Variants in HOMER1 observed in about 807,000 individuals in gnomAD.
HOMER1 encodes the protein homer protein homolog 1.
A neutral mutation model predicts 48.9 loss-of-function variants in HOMER1; 3 were observed. The ratio of observed to expected loss-of-function variants is 0.06; its 90% confidence interval spans 0.03 to 0.16. The LOEUF (loss-of-function observed/expected upper bound fraction) is 0.16, where lower values mean the gene tolerates loss of function less well. Ranked by LOEUF, HOMER1 falls within the 10% of genes least tolerant of loss-of-function variation. HOMER1 has a pLI of 1.00. For missense variants in HOMER1, 247 were observed against 411.4 expected, an observed-to-expected ratio of 0.60 and a Z score of 3.46; for synonymous variants, 134 against 146.4, an observed-to-expected ratio of 0.92 and a Z score of 0.61.
At position 79,439,167 on chromosome 5, in the gene HOMER1, G is replaced by A. The variant is rs564661709; in HGVS notation, c.388-18C>T. On this transcript the variant is annotated intron_variant, in intron 4 of 8. Transcript: ENST00000334082. ...GCGGATTCCTTTAAAAAAAGGGGTG[G>A]GGGATAAAAAATAGTTACACTTTTG... 2 of 1,612,414 alleles carry A rather than the reference G, an allele frequency of 1.2e-6. No individual in the cohort carries two copies. The highest frequency in any genetic ancestry group is 1.3e-5 in the African/African-American group (1 of 74,966).
chr5:79,468,802 C>T (rs1421496210), intron 1 of HOMER1, among the ~76,000 whole-genome samples: 1 of 152,196 alleles, frequency 6.6e-6, no homozygotes, highest in Non-Finnish European at 1.5e-5. Context: ...TTATACTACA[C>T]TCTCCTAACA....
At position 79,447,163 on chromosome 5, in the gene HOMER1, A is replaced by T; in HGVS notation, c.295-18T>A. 6.9e-7 allele frequency: 1 copy of T among 1,456,816 alleles called. No individual in the cohort carries two copies. The highest frequency in any genetic ancestry group is 9.6e-7 in the Non-Finnish European group (1 of 1,038,460). 90.2% of individuals were successfully genotyped at this position (1,456,816 alleles called of 1,614,324 possible). A position where few individuals can be genotyped will look rare whatever the true frequency, so the allele number is the denominator to read the frequency against. The stretch of plus-strand genomic sequence containing the variant: ...TCTGCAAACTGAATGTATAGAGACT[A>T]CATACATTAACCAAATAAAAATAGG... On this transcript the variant is annotated intron_variant, in intron 3 of 8. Transcript: ENST00000334082.
intron 5 of HOMER1, among the ~76,000 whole-genome samples, chr5:79,403,227 A>G (rs1480366358): frequency 6.6e-6 from 1 of 152,142 alleles, no homozygotes; most frequent in Non-Finnish European, 1.5e-5. Flanking sequence ...ACCTCATCCC[A>G]TTAACTAACT....
At chr5:79,446,971 C>G in intron 4 of HOMER1, 82 bp downstream of exon 4, 1 of 893,770 alleles carries the variant, frequency 1.1e-6, no homozygotes. Context: ...TCTGTGTGTA[C>G]TTTGGAGATT....
intron 1 of HOMER1, among the ~76,000 whole-genome samples, chr5:79,502,860 A>T (rs759780824): frequency 6.6e-6 from 1 of 152,128 alleles, no homozygotes; most frequent in Non-Finnish European, 1.5e-5. Context: ...GCGCAATCTC[A>T]GCTCACTGCA....
At chr5:79,505,086 C>T (rs1208155191) in intron 1 of HOMER1, among the ~76,000 whole-genome samples, 1 of 151,994 alleles carries the variant, frequency 6.6e-6, no homozygotes, top group African/African-American at 2.4e-5. Flanking sequence ...CATGATGAAA[C>T]CCCATCTCTA....
At chr5:79,433,700 T>C (rs1455680573) in intron 5 of HOMER1, among the ~76,000 whole-genome samples, 1 of 152,250 alleles carries the variant, frequency 6.6e-6, no homozygotes, top group Non-Finnish European at 1.5e-5. Context: ...TAAAATGCTA[T>C]GTAAAATTTC....
At chr5:79,402,315 G>A (rs977609523) in intron 5 of HOMER1, among the ~76,000 whole-genome samples, 22 of 152,000 alleles carry the variant, frequency 1.4e-4, no homozygotes, top group African/African-American at 4.3e-4. Context: ...ACAGGCACAC[G>A]CCACCATGCC....
rs1422232682 is a variant in HOMER1 at position 79,396,916 on chromosome 5, G to A, written c.796-13C>T. The A allele has an allele frequency of 6.9e-7, 1 of 1,444,328 alleles. No homozygotes were observed. The highest frequency in any genetic ancestry group is 9.7e-7 in the Non-Finnish European group (1 of 1,031,026). The allele number at this position is 1,444,328 out of a possible 1,614,324, so 89.5% of individuals were successfully genotyped here. A position where few individuals can be genotyped will look rare whatever the true frequency, so the allele number is the denominator to read the frequency against. ...ACCTTTCTATTTCCTAGAAAAGACA[G>A]AGCAATGTCTTAACATTCAAACTAT... On this transcript the variant is annotated splice_polypyrimidine_tract_variant and intron_variant, in intron 7 of 8. Coordinates refer to ENST00000334082, the MANE Select transcript of HOMER1 (RefSeq NM_004272.5).
chr5:79,401,017 A>G (rs1244777470), intron 6 of HOMER1, among the ~76,000 whole-genome samples: 1 of 149,668 alleles, frequency 6.7e-6, no homozygotes, highest in Non-Finnish European at 1.5e-5. Flanking sequence ...TGAGAGCATT[A>G]AAACACTTTA....
intron 8 of HOMER1, among the ~76,000 whole-genome samples, chr5:79,379,562 G>A (rs567821869): frequency 2.1e-5 from 3 of 144,278 alleles, no homozygotes; most frequent in Non-Finnish European, 4.5e-5. Flanking sequence ...AATAACTTCA[G>A]CACCTTTTGT....
At chr5:79,466,736 T>TTTTAATA (rs1240835478) in intron 1 of HOMER1, among the ~76,000 whole-genome samples, 4 of 151,992 alleles carry the variant, frequency 2.6e-5, no homozygotes, top group Non-Finnish European at 5.9e-5. Flanking sequence ...CCAAATAGGT[T>TTTTAATA]AAACTCCTGG....
chr5:79,436,066 C>CA (rs1750573230), intron 5 of HOMER1, among the ~76,000 whole-genome samples: 1 of 150,798 alleles, frequency 6.6e-6, no homozygotes, highest in Admixed American at 6.6e-5. Context: ...GCGGAGCTTG[C>CA]AGTGAGCCGA....
intron 4 of HOMER1, among the ~76,000 whole-genome samples, chr5:79,446,305 T>A (rs1442173008): frequency 1.3e-5 from 2 of 152,090 alleles, no homozygotes; most frequent in Non-Finnish European, 2.9e-5. Flanking sequence ...CTATTTCCCC[T>A]CCCCTGCTTT....
intron 1 of HOMER1, among the ~76,000 whole-genome samples, chr5:79,460,649 CTGGGG>C (rs1272643365): frequency 6.6e-6 from 1 of 152,038 alleles, no homozygotes; most frequent in Non-Finnish European, 1.5e-5. Context: ...GGTTCCCAAA[CTGGGG>C]TGGGTTTGTT....
intron 5 of HOMER1, among the ~76,000 whole-genome samples, chr5:79,424,420 C>A (rs1013442769): frequency 2.0e-5 from 3 of 151,966 alleles, no homozygotes; most frequent in African/African-American, 7.2e-5. Context: ...ATTCTTTATA[C>A]AAGGATATGC....
chr5:79,510,640 C>G (rs983649121), intron 1 of HOMER1: 16 of 908,362 alleles, frequency 1.8e-5, no homozygotes, highest in Non-Finnish European at 2.3e-5. Context: ...GTGCACATGC[C>G]AAGGCTATCA....
At chr5:79,400,757 T>A (rs574447783) in intron 6 of HOMER1, among the ~76,000 whole-genome samples, 1 of 147,630 alleles carries the variant, frequency 6.8e-6, no homozygotes, top group African/African-American at 2.5e-5. Flanking sequence ...TTTTTTTTGT[T>A]TTTTAGAGAC....
chr5:79,430,410 T>C (rs954734564), intron 5 of HOMER1, among the ~76,000 whole-genome samples: 7 of 152,198 alleles, frequency 4.6e-5, no homozygotes, highest in African/African-American at 1.4e-4. Context: ...AGAACCCTTA[T>C]ATATCTGCTA....
Sources: allele counts gnomAD v4.1 joint callset (sites outside exome capture counted in the v4.1 genomes callset), GRCh38; gene constraint gnomAD v4.1.1; transcripts MANE v1.5; gene names NCBI Gene and HGNC (gene_info 2026-07-23, HGNC 2026-07-21).